The following EPHB1 variants were observed in gnomAD, a reference collection of about 807,000 sequenced individuals.
EPHB1 encodes ephrin type-B receptor 1.
Under a neutral mutation model 94.4 loss-of-function variants are expected in EPHB1, and 30 were observed. The ratio of observed to expected loss-of-function variants is 0.32; its 90% CI spans 0.24 to 0.43. EPHB1 has a LOEUF of 0.43. Among genes scored for constraint, EPHB1 ranks in the 20% least tolerant of loss-of-function variants. The pLI is 1.00. For missense variants in EPHB1, 1,055 were observed against 1,308.3 expected, an observed-to-expected ratio of 0.81 and a Z score of 2.99; for synonymous variants, 522 against 489.1, an observed-to-expected ratio of 1.07 and a Z score of -0.89.
At chr3:134,902,718 A>G in intron 1 of EPHB1, among the ~76,000 whole-genome samples, 1 of 152,188 alleles carries the variant, frequency 6.6e-6, no homozygotes, top group African/African-American at 2.4e-5. Flanking sequence ...ATTTCTTGTC[A>G]TATCTGATTA....
chr3:134,812,266 G>A (rs2036193153), intron 1 of EPHB1, among the ~76,000 whole-genome samples: 1 of 152,078 alleles, frequency 6.6e-6, no homozygotes, highest in Non-Finnish European at 1.5e-5. Context: ...GTCCCTTCAT[G>A]GTCATGTGCC....
rs145366861 is a variant in EPHB1, at chr3:135,166,976, G to A, written c.1729G>A (p.Asp577Asn). ...RAYSKEAVYS[D>N]KLQHYSTGRG... ...TTATAGCAAAGAGGCTGTGTACAGC[G>A]ATAAGCTCCAGCATTACAGCACAGG... The change falls in exon 9 of 16, where the codon GAT becomes AAT. Residue 577 changes from aspartate (D) to asparagine (N), a missense_variant. Coordinates refer to ENST00000398015, the MANE Select transcript of EPHB1 (RefSeq NM_004441.5). 20 of 1,614,044 alleles carry A rather than the reference G, an allele frequency of 1.2e-5. No homozygotes were observed. The East Asian group carries it at 3.3e-4, about 27-fold the overall frequency.
At chr3:135,227,704 A>G (rs1943434159) in intron 12 of EPHB1, among the ~76,000 whole-genome samples, 1 of 152,208 alleles carries the variant, frequency 6.6e-6, no homozygotes, top group Admixed American at 6.5e-5. Context: ...AAATTTCAAG[A>G]AGATAAATTT....
At chr3:135,154,019 A>G in intron 5 of EPHB1, 133 bp from the exon 6 acceptor site, 1 of 1,248,514 alleles carries the variant, frequency 8.0e-7, no homozygotes, top group South Asian at 1.4e-5. Context: ...CTGCAGGTCC[A>G]GCTCAGCTGA....
chr3:134,938,104 A>T (rs1302418640), intron 2 of EPHB1, among the ~76,000 whole-genome samples: 2 of 152,228 alleles, frequency 1.3e-5, no homozygotes, highest in South Asian at 2.1e-4. Context: ...ACAGAGACAG[A>T]GAGAAACAGT....
intron 3 of EPHB1, among the ~76,000 whole-genome samples, chr3:135,035,285 A>T (rs36038): frequency 0.89 from 135,672 of 152,204 alleles, 61,161 homozygotes; most frequent in East Asian, 1. Flanking sequence ...TTAGGGGTCT[A>T]GTTTCCGTTG....
chr3:134,836,510 C>T (rs80341091), intron 1 of EPHB1, among the ~76,000 whole-genome samples: 7,609 of 152,122 alleles, frequency 0.05, 281 homozygotes, highest in South Asian at 0.081. Context: ...GTATATATGA[C>T]GTGATATATA....
intron 3 of EPHB1, among the ~76,000 whole-genome samples, chr3:135,079,125 A>C (rs1030048244): frequency 3.3e-5 from 5 of 151,756 alleles, no homozygotes; most frequent in South Asian, 2.1e-4. Flanking sequence ...AAAAACCCCC[A>C]AAAACCAAAG....
At chr3:134,994,702 G>A (rs1463271606) in intron 3 of EPHB1, among the ~76,000 whole-genome samples, 1 of 152,124 alleles carries the variant, frequency 6.6e-6, no homozygotes, top group Non-Finnish European at 1.5e-5. Flanking sequence ...GGGACTTCAG[G>A]CACATGCCAC....
chr3:135,080,619 A>C (rs2107786759), intron 3 of EPHB1, among the ~76,000 whole-genome samples: 1 of 152,162 alleles, frequency 6.6e-6, no homozygotes, highest in East Asian at 1.9e-4. Context: ...GGGTGGTGGC[A>C]GTGGGACAAT....
chr3:135,164,474 G>A (rs887464121), intron 7 of EPHB1, among the ~76,000 whole-genome samples: 13 of 152,258 alleles, frequency 8.5e-5, no homozygotes, highest in African/African-American at 2.2e-4. Flanking sequence ...TTTAACAGTC[G>A]GGCTCAGGTA....
chr3:135,152,123 G>A (rs544521488), intron 5 of EPHB1, among the ~76,000 whole-genome samples: 18 of 152,326 alleles, frequency 1.2e-4, no homozygotes, highest in African/African-American at 4.3e-4. Flanking sequence ...GCCATCTTGG[G>A]TGGCATGTAA....
intron 3 of EPHB1, among the ~76,000 whole-genome samples, chr3:135,043,147 A>T (rs930870147): frequency 1.3e-5 from 2 of 152,138 alleles, no homozygotes; most frequent in Non-Finnish European, 2.9e-5. Flanking sequence ...TGGCTCTTAA[A>T]GTATTTAAAC....
chr3:135,075,652 A>T (rs1203157257), intron 3 of EPHB1, among the ~76,000 whole-genome samples: 1 of 152,178 alleles, frequency 6.6e-6, no homozygotes, highest in Non-Finnish European at 1.5e-5. Flanking sequence ...GGCATCATCC[A>T]CAGCTCTTCT....
intron 1 of EPHB1, among the ~76,000 whole-genome samples, chr3:134,839,164 G>C (rs2036731744): frequency 6.6e-6 from 1 of 152,114 alleles, no homozygotes; most frequent in African/African-American, 2.4e-5. Context: ...AATCCACATG[G>C]TCAGGATGTG....
intron 5 of EPHB1, among the ~76,000 whole-genome samples, chr3:135,145,896 C>A (rs1051140767): frequency 1.3e-5 from 2 of 152,224 alleles, no homozygotes; most frequent in African/African-American, 4.8e-5. Context: ...AAGGGATTTT[C>A]TGACTCCTTT....
intron 3 of EPHB1, among the ~76,000 whole-genome samples, chr3:135,029,915 G>T (rs1483721950): frequency 6.6e-6 from 1 of 151,568 alleles, no homozygotes; most frequent in African/African-American, 2.4e-5. Flanking sequence ...TGGAGGCTTT[G>T]CTCGTTTCTT....
At chr3:134,804,071 ATTTTTTTTTTTTTTTTTTTTTTT>A (rs572201781) in intron 1 of EPHB1, among the ~76,000 whole-genome samples, 3 of 43,750 alleles carry the variant, frequency 6.9e-5, no homozygotes, top group South Asian at 5.8e-4. Flanking sequence ...ATTATTGGCT[ATTTTTTTTTTTTTTTTTTTTTTT>A]TTTTTTTTTT....
chr3:134,917,310 G>T (rs1243013402), intron 1 of EPHB1, among the ~76,000 whole-genome samples: 3 of 152,220 alleles, frequency 2.0e-5, no homozygotes, highest in African/African-American at 7.2e-5. Flanking sequence ...TTCTGAAGCT[G>T]ATTCCCAGCC....
Sources: allele counts gnomAD v4.1 joint callset (sites outside exome capture counted in the v4.1 genomes callset), GRCh38; gene constraint gnomAD v4.1.1; transcripts MANE v1.5; gene names NCBI Gene and HGNC (gene_info 2026-07-23, HGNC 2026-07-21).